The following ZBTB7C variants were observed in gnomAD, a reference collection of about 807,000 sequenced individuals.
ZBTB7C encodes the protein zinc finger and BTB domain-containing protein 7C.
ZBTB7C carries 8 observed loss-of-function variants against 25.7 expected under a neutral mutation model. The ratio of observed to expected loss-of-function variants is 0.31; its 90% CI spans 0.18 to 0.56. ZBTB7C has a LOEUF of 0.56. Ranked by LOEUF, ZBTB7C falls within the 20% of genes least tolerant of loss-of-function variation. ZBTB7C has a pLI of 0.91. For synonymous variants in ZBTB7C, 394 were observed against 369.0 expected (o/e 1.07, Z -0.78); for missense variants, 824 against 855.2 (o/e 0.96, Z 0.46).
chr18:48,071,574 C>T (rs891662745), intron 3 of ZBTB7C, among the ~76,000 whole-genome samples: 5 of 152,188 alleles, frequency 3.3e-5, no homozygotes, highest in East Asian at 1.9e-4. Context: ...CTGTGGCAAA[C>T]GCTAGGGAGG....
intron 2 of ZBTB7C, among the ~76,000 whole-genome samples, chr18:48,261,193 C>T (rs1419427925): frequency 2.6e-5 from 4 of 152,110 alleles, no homozygotes; most frequent in African/African-American, 9.7e-5. Flanking sequence ...TGGAGAAAAG[C>T]GGAATGGAGA....
chr18:48,310,751 C>T (rs868616723), intron 2 of ZBTB7C, among the ~76,000 whole-genome samples: 12 of 152,180 alleles, frequency 7.9e-5, no homozygotes, highest in African/African-American at 1.7e-4. Context: ...CTCAGCTCTC[C>T]GCTGCTCTGG....
At chr18:48,122,995 G>A (rs1326665594) in intron 3 of ZBTB7C, among the ~76,000 whole-genome samples, 1 of 152,182 alleles carries the variant, frequency 6.6e-6, no homozygotes, top group Non-Finnish European at 1.5e-5. Context: ...GATCTATGGG[G>A]CTGGTCGAAC....
At chr18:48,247,117 T>C (rs897757765) in intron 2 of ZBTB7C, among the ~76,000 whole-genome samples, 14 of 152,316 alleles carry the variant, frequency 9.2e-5, no homozygotes, top group South Asian at 4.1e-4. Flanking sequence ...AGGTATTTTA[T>C]AGAAATCAAC....
At chr18:48,227,033 A>AAAAAAG (rs1395229085) in intron 2 of ZBTB7C, among the ~76,000 whole-genome samples, 46 of 149,818 alleles carry the variant, frequency 3.1e-4, no homozygotes, top group African/African-American at 8.1e-4. Flanking sequence ...AAAAAAAAAA[A>AAAAAAG]AAAAAGAAAA....
chr18:48,357,658 GCCCCA>G lies in ZBTB7C; in HGVS notation c.-303-19265_-303-19261del, dbSNP rs775747645. 3.3e-5 allele frequency among the ~76,000 whole-genome samples: 5 copies of G among 152,102 alleles called. No homozygotes were observed. In the South Asian group the frequency reaches 6.2e-4, roughly 19 times the overall value. On this transcript the variant is annotated intron_variant, in intron 1 of 4. Transcript: ENST00000590800. ...AAGGTCTCACTAGTATTTGAACTTT[GCCCCA>G]CCCAACCCTGACCAGGGCCTCCCAC...
chr18:48,386,443 G>A (rs1815893772), intron 1 of ZBTB7C, among the ~76,000 whole-genome samples: 1 of 114,040 alleles, frequency 8.8e-6, no homozygotes, highest in South Asian at 3.7e-4. Context: ...GACAGTGAGT[G>A]GATGTCAACA....
rs186209060 is a variant in ZBTB7C, at chr18:48,136,255, C to A, written c.-17+49679G>T. On this transcript the variant is annotated intron_variant, in intron 3 of 4. Transcript: ENST00000590800. Reference sequence around the variant, plus strand: ...CACGGGGTCAGTCCTTTTGCGCCACCCACACCGGGCCGTCTCCGGAGCTGA... The same window carrying A: ...CACGGGGTCAGTCCTTTTGCGCCACACACACCGGGCCGTCTCCGGAGCTGA... Among the ~76,000 whole-genome samples, 5 of 152,316 alleles carry A rather than the reference C, an allele frequency of 3.3e-5. No individual in the cohort carries two copies. In the East Asian group the frequency reaches 9.7e-4, roughly 30 times the overall value.
intron 3 of ZBTB7C, among the ~76,000 whole-genome samples, chr18:48,077,982 G>A (rs183363197): frequency 6.6e-6 from 1 of 151,926 alleles, no homozygotes; most frequent in South Asian, 2.1e-4. Context: ...CTTGGGGTGG[G>A]GGGGAGGGCA....
chr18:48,088,864 A>T (rs1376649424), intron 3 of ZBTB7C, among the ~76,000 whole-genome samples: 1 of 151,940 alleles, frequency 6.6e-6, no homozygotes, highest in Non-Finnish European at 1.5e-5. Context: ...GAAGGAAATT[A>T]TGGGTGTGGA....
intron 2 of ZBTB7C, among the ~76,000 whole-genome samples, chr18:48,312,571 A>T (rs1205249818): frequency 1.3e-5 from 2 of 152,216 alleles, no homozygotes; most frequent in Non-Finnish European, 2.9e-5. Context: ...CTTTCCAGCT[A>T]TGGGACCTTG....
chr18:48,105,223 CCT>C (rs2038987208), intron 3 of ZBTB7C, among the ~76,000 whole-genome samples: 2 of 152,212 alleles, frequency 1.3e-5, no homozygotes, highest in African/African-American at 4.8e-5. Context: ...AACCTTGGTT[CCT>C]GTGCCCACTG....
rs772730774 is a variant in ZBTB7C, at chr18:48,040,652, C to T, written c.456G>A (p.Glu152=). 2 of 1,613,442 alleles carry T rather than the reference C, an allele frequency of 1.2e-6. No homozygotes were observed. The highest frequency in any genetic ancestry group is 1.1e-5 in the South Asian group (1 of 91,026). The change falls in exon 4 of 5, where the codon GAG becomes GAA. Residue 152 remains glutamate, a synonymous_variant. Coordinates refer to ENST00000590800, the MANE Select transcript of ZBTB7C (RefSeq NM_001318841.2). ...DDDDEDDDDE[E]DEEEEEEEEE... is the part of the protein sequence containing the mutation. ...CCTCTTCCTCCTCCTCCTCTTCGTC[C>T]TCCTCATCATCATCATCTTCGTCGT...
upstream of ZBTB7C, among the ~76,000 whole-genome samples, chr18:48,411,554 C>T (rs990465507): frequency 1.1e-4 from 16 of 152,228 alleles, no homozygotes; most frequent in Non-Finnish European, 2.2e-4. Flanking sequence ...GATATGGCCC[C>T]GCTTCTAAGC....
chr18:48,097,425 C>A (rs1250168434), intron 3 of ZBTB7C, among the ~76,000 whole-genome samples: 1 of 128,226 alleles, frequency 7.8e-6, no homozygotes, highest in Non-Finnish European at 1.7e-5. Flanking sequence ...GAGACAGAGT[C>A]TTGCTCTGTC....
Position 48,330,976 on chromosome 18 carries a change from T to G in ZBTB7C, c.-79+7198A>C, listed in dbSNP as rs2046330771. On this transcript the variant is annotated intron_variant, in intron 2 of 4. Transcript: ENST00000590800. Reference sequence around the variant, plus strand: ...AACAAAGGGAGAGCCCATCTAAATCTGCCCCAGACTTTCAGGTCAAGGGTT... The same window carrying G: ...AACAAAGGGAGAGCCCATCTAAATCGGCCCCAGACTTTCAGGTCAAGGGTT... 2.0e-5 allele frequency among the ~76,000 whole-genome samples: 3 copies of G among 152,200 alleles called. No individual in the cohort carries two copies. In the South Asian group the frequency reaches 6.2e-4, roughly 32 times the overall value.
intron 2 of ZBTB7C, among the ~76,000 whole-genome samples, chr18:48,298,985 G>A (rs2045472031): frequency 6.6e-6 from 1 of 152,106 alleles, no homozygotes; most frequent in South Asian, 2.1e-4. Flanking sequence ...GCCCTCCTAC[G>A]TAGCCTCACC....
At chr18:48,130,634 C>T (rs1367385931) in intron 3 of ZBTB7C, among the ~76,000 whole-genome samples, 1 of 152,192 alleles carries the variant, frequency 6.6e-6, no homozygotes, top group Non-Finnish European at 1.5e-5. Flanking sequence ...TCATTTTCAG[C>T]AGCAGAAGCC....
chr18:48,239,937 G>T (rs2043479732), intron 2 of ZBTB7C, among the ~76,000 whole-genome samples: 1 of 152,128 alleles, frequency 6.6e-6, no homozygotes, highest in South Asian at 2.1e-4. Context: ...CTAGAGAAAG[G>T]TGAAAACCAA....
Sources: gnomAD v4.1 joint callset for allele counts (sites outside exome capture counted in the v4.1 genomes callset) on GRCh38, gnomAD v4.1.1 for gene constraint, MANE v1.5 for transcripts, NCBI Gene and HGNC (gene_info 2026-07-23, HGNC 2026-07-21) for gene names.